MYO5B: variants seen among roughly 807,000 people sequenced by gnomAD.
The protein encoded by MYO5B is unconventional myosin-Vb.
MYO5B carries 143 observed loss-of-function variants against 229.3 expected under a neutral mutation model. That is an observed-to-expected ratio of 0.62 (90% CI 0.54 to 0.72). The LOEUF is 0.72. Among genes scored for constraint, MYO5B ranks in the 30% least tolerant of loss-of-function variants. The probability of loss-of-function intolerance (pLI) is 0.00; values close to 1 mark genes in which losing one functional copy is unlikely to be tolerated. For synonymous variants in MYO5B, 918 were observed against 885.2 expected (o/e 1.04, Z -0.66); for missense variants, 2,321 against 2,331.0 (o/e 1.00, Z 0.09).
chr18:49,888,415 G>C (rs2024670410), intron 22 of MYO5B, among the ~76,000 whole-genome samples: 1 of 152,182 alleles, frequency 6.6e-6, no homozygotes, highest in Non-Finnish European at 1.5e-5. Context: ...TTCACAAGAG[G>C]TGGGGGTCAT....
chr18:49,898,859 C>A (rs1164425940), intron 21 of MYO5B, among the ~76,000 whole-genome samples: 2 of 152,140 alleles, frequency 1.3e-5, no homozygotes, highest in East Asian at 1.9e-4. Flanking sequence ...TGTTTCCTCC[C>A]TTACTGACTT....
chr18:49,951,060 G>A (rs2025425858), intron 14 of MYO5B, among the ~76,000 whole-genome samples: 1 of 152,116 alleles, frequency 6.6e-6, no homozygotes, highest in African/African-American at 2.4e-5. Flanking sequence ...AAAAACCCTG[G>A]CCGCCTGGGC....
At chr18:49,842,725 C>T (rs1208040092) in intron 34 of MYO5B, among the ~76,000 whole-genome samples, 1 of 152,208 alleles carries the variant, frequency 6.6e-6, no homozygotes, top group Non-Finnish European at 1.5e-5. Context: ...TCCCGAGCAC[C>T]TTTAACACCA....
intron 22 of MYO5B, among the ~76,000 whole-genome samples, chr18:49,882,018 C>G (rs773598330): frequency 2.0e-5 from 3 of 152,142 alleles, no homozygotes; most frequent in Non-Finnish European, 4.4e-5. Flanking sequence ...GGATCCCCTA[C>G]AGATTCATTC....
At chr18:50,118,208 T>C (rs1294168340) in intron 1 of MYO5B, among the ~76,000 whole-genome samples, 4 of 152,102 alleles carry the variant, frequency 2.6e-5, no homozygotes, top group Non-Finnish European at 1.5e-5. Flanking sequence ...GCCCAGAACT[T>C]CCCTGGCTCA....
chr18:50,055,734 C>T (rs867549546), intron 1 of MYO5B, among the ~76,000 whole-genome samples: 15 of 152,130 alleles, frequency 9.9e-5, no homozygotes, highest in African/African-American at 3.6e-4. Context: ...ATTTAGCAGG[C>T]TACAAACAAA....
chr18:49,962,994 G>A lies in MYO5B; in HGVS notation c.1359C>T (p.Phe453=), dbSNP rs777322063. Residue 453 remains phenylalanine (F), a synonymous_variant, in exon 11 of 40, where the codon TTC becomes TTT. Coordinates refer to ENST00000285039, the MANE Select transcript of MYO5B (RefSeq NM_001080467.3). ...GCTTTTCATTTGCATAGTTGATACA[G>A]AACTGCTCAAAGCTGTTTACCTCAA... ...ETFEVNSFEQ[F]CINYANEKLQ... 1 of 1,614,086 alleles carries A rather than the reference G, an allele frequency of 6.2e-7. No homozygotes were observed.
Position 50,195,086 on chromosome 18 carries a change from G to A in MYO5B, c.-293C>T, listed in dbSNP as rs907262368. 2.0e-4 allele frequency: 58 copies of A among 286,594 alleles called. No homozygotes were observed. Among genetic ancestry groups the A allele is most frequent in the African/African-American group, 1.2e-3 (55 of 45,302 alleles). The allele number at this position is 286,594 out of a possible 1,614,324, so 17.8% of individuals were successfully genotyped here. On this transcript the variant is annotated 5_prime_UTR_variant, in exon 1 of 40. Coordinates refer to ENST00000285039, the MANE Select transcript of MYO5B (RefSeq NM_001080467.3). ...TCCCAGGTGTGGGGAGGAGGCGAGGGCCGGCGAGGAGGGAGGACCCGCTCG... is the reference window on the plus strand; with the variant it reads ...TCCCAGGTGTGGGGAGGAGGCGAGGACCGGCGAGGAGGGAGGACCCGCTCG...
intron 22 of MYO5B, among the ~76,000 whole-genome samples, chr18:49,888,635 T>TC (rs2024673936): frequency 6.6e-6 from 1 of 152,098 alleles, no homozygotes; most frequent in Non-Finnish European, 1.5e-5. Context: ...GTGAATGGCT[T>TC]CTCTTCCTTT....
chr18:50,098,531 C>T (rs2031596281), intron 1 of MYO5B, among the ~76,000 whole-genome samples: 2 of 152,200 alleles, frequency 1.3e-5, no homozygotes, highest in South Asian at 4.1e-4. Flanking sequence ...TTACAAACTA[C>T]AACTTAGCTT....
intron 36 of MYO5B, among the ~76,000 whole-genome samples, 176 bp from the exon 37 acceptor site, chr18:49,837,978 T>C (rs908222782): frequency 6.6e-6 from 1 of 152,228 alleles, no homozygotes; most frequent in Admixed American, 6.5e-5. Flanking sequence ...TGTTGATTTC[T>C]GTATGGAATA....
At chr18:50,055,853 A>T (rs1222224356) in intron 1 of MYO5B, among the ~76,000 whole-genome samples, 1 of 152,210 alleles carries the variant, frequency 6.6e-6, no homozygotes, top group East Asian at 1.9e-4. Flanking sequence ...AGTGAAAGAA[A>T]GTGGTCGGCA....
intron 26 of MYO5B, 27 bp downstream of exon 26, chr18:49,875,660 T>C (rs776849386): frequency 2.5e-6 from 4 of 1,613,808 alleles, no homozygotes; most frequent in Non-Finnish European, 3.4e-6. Flanking sequence ...CCAAGCACCA[T>C]AAGAGCACTG....
chr18:50,070,865 C>T (rs148215873), intron 1 of MYO5B, among the ~76,000 whole-genome samples: 250 of 151,094 alleles, frequency 1.7e-3, no homozygotes, highest in African/African-American at 5.6e-3. Context: ...TGTTTTGAGA[C>T]AGGATCTCAT....
chr18:50,043,326 A>G (rs2030087790), intron 2 of MYO5B, among the ~76,000 whole-genome samples: 1 of 85,344 alleles, frequency 1.2e-5, no homozygotes, highest in Non-Finnish European at 2.3e-5. Flanking sequence ...TATAAAATAT[A>G]TATTTTATAT....
At chr18:49,848,029 C>T (rs2024152212) in intron 32 of MYO5B, among the ~76,000 whole-genome samples, 1 of 152,234 alleles carries the variant, frequency 6.6e-6, no homozygotes, top group Non-Finnish European at 1.5e-5. Context: ...AGCCTCACAC[C>T]ATGGTAGAGG....
rs1462771832 is a variant in MYO5B at position 50,157,851 on chromosome 18, C to T, written c.27+36916G>A. On this transcript the variant is annotated intron_variant, in intron 1 of 39. Transcript: ENST00000285039. ...TGTGTTTACAAATGCCTACCCAATGCCTGGAATAGAATAAGCACTTAAATA... is the reference window on the plus strand; with the variant it reads ...TGTGTTTACAAATGCCTACCCAATGTCTGGAATAGAATAAGCACTTAAATA... Among the ~76,000 whole-genome samples the T allele has an allele frequency of 5.3e-5, 8 of 152,230 alleles. No homozygotes were observed. The East Asian group carries it at 1.2e-3, about 22-fold the overall frequency.
At chr18:50,025,589 T>C (rs1407802869) in intron 4 of MYO5B, among the ~76,000 whole-genome samples, 1 of 152,222 alleles carries the variant, frequency 6.6e-6, no homozygotes, top group Non-Finnish European at 1.5e-5. Flanking sequence ...CCTGTAACAG[T>C]ATATGTTTAT....
intron 4 of MYO5B, among the ~76,000 whole-genome samples, chr18:50,001,696 G>A (rs1000041210): frequency 1.3e-5 from 2 of 152,174 alleles, no homozygotes; most frequent in African/African-American, 4.8e-5. Flanking sequence ...ACTGGGTGCA[G>A]TGCCCCTAGA....
Sources: allele counts gnomAD v4.1 joint callset (sites outside exome capture counted in the v4.1 genomes callset), GRCh38; gene constraint gnomAD v4.1.1; transcripts MANE v1.5; gene names NCBI Gene and HGNC (gene_info 2026-07-23, HGNC 2026-07-21).